CPQ: variants seen among roughly 807,000 people sequenced by gnomAD.
CPQ encodes the protein Ser-Met dipeptidase.
CPQ carries 37 observed loss-of-function variants against 45.7 expected under a neutral mutation model. The ratio of observed to expected loss-of-function variants is 0.81; its 90% CI spans 0.62 to 1.07. The LOEUF (loss-of-function observed/expected upper bound fraction) is 1.07. Ranked by LOEUF, CPQ falls within the 50% of genes least tolerant of loss-of-function variation. The probability of loss-of-function intolerance (pLI) is 0.00; values close to 1 mark genes in which losing one functional copy is unlikely to be tolerated. For missense variants in CPQ, 537 were observed against 572.9 expected, an observed-to-expected ratio of 0.94 and a Z score of 0.64; for synonymous variants, 186 against 205.8, an observed-to-expected ratio of 0.90 and a Z score of 0.82.
intron 4 of CPQ, among the ~76,000 whole-genome samples, chr8:96,921,240 T>G (rs1197522064): frequency 6.6e-6 from 1 of 152,194 alleles, no homozygotes; most frequent in Admixed American, 6.5e-5. Flanking sequence ...ATGTAGAGCA[T>G]GCACCTGTTC....
chr8:97,069,149 G>A (rs1329620936), intron 7 of CPQ, among the ~76,000 whole-genome samples: 1 of 152,154 alleles, frequency 6.6e-6, no homozygotes, highest in Non-Finnish European at 1.5e-5. Context: ...AAAGTCAGTA[G>A]CTCATTTAGA....
At chr8:97,002,400 GT>G (rs2130426528) in intron 5 of CPQ, among the ~76,000 whole-genome samples, 1 of 152,252 alleles carries the variant, frequency 6.6e-6, no homozygotes, top group East Asian at 1.9e-4. Context: ...TGGGCATTTA[GT>G]GCTATAGATC....
intron 1 of CPQ, among the ~76,000 whole-genome samples, chr8:96,653,379 C>T (rs1815600329): frequency 6.6e-6 from 1 of 151,954 alleles, no homozygotes. Context: ...TGAGAATTGT[C>T]TGTTCAGGCT....
chr8:97,127,078 T>C lies in CPQ; in HGVS notation c.1256-15942T>C, dbSNP rs566410831. Among the ~76,000 whole-genome samples, 13 of 152,214 alleles carry C rather than the reference T, an allele frequency of 8.5e-5. 1 individual carries two copies. Among genetic ancestry groups the C allele is most frequent in the Middle Eastern group, 3.4e-3 (1 of 294 alleles). ...ACTATGATAATTATAGAAGAAAATA[T>C]AGGAGAAAAATCTTTTGACCTCAGG... On this transcript the variant is annotated intron_variant, in intron 7 of 7. Transcript: ENST00000220763.
intron 1 of CPQ, among the ~76,000 whole-genome samples, chr8:96,717,052 T>C (rs867128849): frequency 2.8e-5 from 3 of 105,882 alleles, no homozygotes; most frequent in Non-Finnish European, 3.6e-5. Flanking sequence ...TATATATATA[T>C]ATATATATAT....
At chr8:96,854,958 A>G (rs981101759) in intron 3 of CPQ, among the ~76,000 whole-genome samples, 4 of 152,176 alleles carry the variant, frequency 2.6e-5, no homozygotes, top group Non-Finnish European at 5.9e-5. Flanking sequence ...ATGGCCATAA[A>G]TGTCATGGGA....
intron 1 of CPQ, among the ~76,000 whole-genome samples, chr8:96,703,237 T>C (rs980745208): frequency 5.3e-5 from 8 of 152,206 alleles, no homozygotes; most frequent in African/African-American, 1.4e-4. Context: ...GCCATATTTT[T>C]TTTGGCAAAG....
intron 1 of CPQ, among the ~76,000 whole-genome samples, chr8:96,742,797 A>T (rs1810111420): frequency 6.6e-6 from 1 of 152,124 alleles, no homozygotes; most frequent in Non-Finnish European, 1.5e-5. Context: ...AATGTTGAAT[A>T]TTGGCCCTCA....
At chr8:96,795,394 A>C (rs1810915334) in intron 2 of CPQ, among the ~76,000 whole-genome samples, 1 of 152,176 alleles carries the variant, frequency 6.6e-6, no homozygotes, top group East Asian at 1.9e-4. Context: ...ACCTCTCACC[A>C]GATCCCTCCC....
chr8:96,769,187 A>C (rs1810508532), intron 1 of CPQ, among the ~76,000 whole-genome samples: 1 of 152,166 alleles, frequency 6.6e-6, no homozygotes, highest in African/African-American at 2.4e-5. Context: ...CACTGGTTTT[A>C]CTGGGAGAAA....
intron 5 of CPQ, among the ~76,000 whole-genome samples, chr8:97,029,130 T>A (rs1055113067): frequency 3.9e-5 from 6 of 152,300 alleles, no homozygotes; most frequent in Admixed American, 3.9e-4. Flanking sequence ...CTGGGCAGGA[T>A]ATCAAGTTAA....
chr8:96,694,730 A>G (rs1419440215), intron 1 of CPQ, among the ~76,000 whole-genome samples: 1 of 152,170 alleles, frequency 6.6e-6, no homozygotes, highest in Non-Finnish European at 1.5e-5. Flanking sequence ...ATAATAATGG[A>G]AACACAACAT....
intron 1 of CPQ, among the ~76,000 whole-genome samples, chr8:96,715,182 C>G (rs985756252): frequency 6.6e-6 from 1 of 152,104 alleles, no homozygotes; most frequent in African/African-American, 2.4e-5. Context: ...TGGGTAAATG[C>G]AATACCCAGT....
chr8:97,040,842 T>C (rs1433843208), intron 6 of CPQ, among the ~76,000 whole-genome samples: 3 of 152,212 alleles, frequency 2.0e-5, no homozygotes, highest in South Asian at 4.1e-4. Flanking sequence ...CATTGATCTA[T>C]ATCTCTGTTT....
At chr8:97,134,099 T>C (rs1364964679) in intron 7 of CPQ, among the ~76,000 whole-genome samples, 1 of 152,238 alleles carries the variant, frequency 6.6e-6, no homozygotes, top group East Asian at 1.9e-4. Context: ...CATAAGTTGC[T>C]GTAGAAAAGG....
chr8:96,676,224 G>A (rs1258274292), intron 1 of CPQ, among the ~76,000 whole-genome samples: 5 of 151,786 alleles, frequency 3.3e-5, no homozygotes, highest in South Asian at 2.1e-4. Context: ...TTCCTTCTAC[G>A]TTTCTGTATA....
At chr8:96,911,739 A>C (rs1303470848) in intron 4 of CPQ, among the ~76,000 whole-genome samples, 1 of 152,174 alleles carries the variant, frequency 6.6e-6, no homozygotes, top group East Asian at 1.9e-4. Flanking sequence ...AAACCATGCA[A>C]ATTTAAAGAA....
chr8:97,089,780 T>C (rs2130563982), intron 7 of CPQ, among the ~76,000 whole-genome samples: 1 of 152,296 alleles, frequency 6.6e-6, no homozygotes, highest in East Asian at 1.9e-4. Context: ...GAGTGGCCTT[T>C]TGGAAACACT....
chr8:97,114,588 A>G (rs1439061223), intron 7 of CPQ, among the ~76,000 whole-genome samples: 1 of 152,154 alleles, frequency 6.6e-6, no homozygotes, highest in Non-Finnish European at 1.5e-5. Context: ...TCTTCATATC[A>G]AGTATATATC....
Sources: gnomAD v4.1 joint callset for allele counts (sites outside exome capture counted in the v4.1 genomes callset) on GRCh38, gnomAD v4.1.1 for gene constraint, MANE v1.5 for transcripts, NCBI Gene and HGNC (gene_info 2026-07-23, HGNC 2026-07-21) for gene names.